Variants in COL25A1 observed in about 807,000 individuals in gnomAD.
COL25A1 encodes collagen type XXV alpha 1 chain.
Under a neutral mutation model 128.4 loss-of-function variants are expected in COL25A1, and 103 were observed. The observed-to-expected ratio is 0.80, with a 90% CI of 0.68 to 0.94. The LOEUF is 0.94. COL25A1 is among the 40% of genes least tolerant of loss of function. The pLI is 0.00. For missense variants in COL25A1, 745 were observed against 840.0 expected (o/e 0.89, Z 1.40); for synonymous variants, 279 against 277.2 (o/e 1.01, Z -0.06).
intron 3 of COL25A1, among the ~76,000 whole-genome samples, chr4:109,241,781 A>C (rs1560918330): frequency 6.6e-6 from 1 of 152,112 alleles, no homozygotes; most frequent in Non-Finnish European, 1.5e-5. Flanking sequence ...GGAAACATTT[A>C]GAATTTGTTG....
intron 32 of COL25A1, among the ~76,000 whole-genome samples, chr4:108,830,267 G>T (rs1030815351): frequency 6.6e-5 from 10 of 152,178 alleles, no homozygotes; most frequent in Non-Finnish European, 1.2e-4. Context: ...ATCAGCTAAG[G>T]TAGGGAGGAT....
chr4:108,926,547 T>C (rs1746086117), intron 11 of COL25A1, among the ~76,000 whole-genome samples: 1 of 152,204 alleles, frequency 6.6e-6, no homozygotes. Context: ...ATAACACGTA[T>C]ACTCTAACTT....
At chr4:109,034,017 G>A (rs918932698) in intron 5 of COL25A1, among the ~76,000 whole-genome samples, 1 of 152,022 alleles carries the variant, frequency 6.6e-6, no homozygotes, top group South Asian at 2.1e-4. Flanking sequence ...GGTTTAACTC[G>A]AGTAATTAAA....
At chr4:108,951,651 G>A (rs548980341) in intron 8 of COL25A1, among the ~76,000 whole-genome samples, 9 of 152,142 alleles carry the variant, frequency 5.9e-5, no homozygotes, top group East Asian at 1.9e-4. Flanking sequence ...CTCCTAAAGC[G>A]TTGGGATTAC....
chr4:109,281,046 A>G (rs1208091773), intron 3 of COL25A1, among the ~76,000 whole-genome samples: 2 of 152,242 alleles, frequency 1.3e-5, no homozygotes, highest in Non-Finnish European at 2.9e-5. Flanking sequence ...AAGGAAGCAC[A>G]TCTTAAAATG....
intron 3 of COL25A1, among the ~76,000 whole-genome samples, chr4:109,117,109 T>C (rs1579420601): frequency 1.3e-5 from 2 of 151,332 alleles, no homozygotes; most frequent in African/African-American, 2.4e-5. Flanking sequence ...CAATGATGAC[T>C]GAGAATTTTC....
chr4:108,985,466 T>C (rs1753578072), intron 6 of COL25A1, among the ~76,000 whole-genome samples: 1 of 152,184 alleles, frequency 6.6e-6, no homozygotes, highest in Non-Finnish European at 1.5e-5. Context: ...GAAGTTGAAT[T>C]GCAGGACAGA....
intron 5 of COL25A1, among the ~76,000 whole-genome samples, chr4:109,047,259 T>C (rs980568609): frequency 1.3e-5 from 2 of 152,062 alleles, no homozygotes; most frequent in Non-Finnish European, 2.9e-5. Context: ...AAGTGTGAAA[T>C]AGCTTGGAGA....
intron 5 of COL25A1, among the ~76,000 whole-genome samples, chr4:109,022,428 A>T (rs1452731259): frequency 6.6e-6 from 1 of 152,242 alleles, no homozygotes. Flanking sequence ...GGGCTGCTTG[A>T]TAACATGGAA....
At chr4:108,954,838 G>A (rs1182604478) in intron 8 of COL25A1, among the ~76,000 whole-genome samples, 4 of 151,856 alleles carry the variant, frequency 2.6e-5, no homozygotes, top group Non-Finnish European at 5.9e-5. Flanking sequence ...CAATGCTCTG[G>A]GTTTGAAACC....
At chr4:109,084,665 T>A (rs547460678) in intron 3 of COL25A1, among the ~76,000 whole-genome samples, 2 of 152,310 alleles carry the variant, frequency 1.3e-5, no homozygotes, top group East Asian at 3.9e-4. Flanking sequence ...CACATCAGGT[T>A]TTTATGCCCT....
At chr4:109,084,836 T>C (rs1764213182) in intron 3 of COL25A1, among the ~76,000 whole-genome samples, 1 of 152,232 alleles carries the variant, frequency 6.6e-6, no homozygotes, top group Admixed American at 6.5e-5. Context: ...TTTTCTGCAA[T>C]ATACTGTCTA....
intron 6 of COL25A1, among the ~76,000 whole-genome samples, chr4:108,985,104 T>C (rs1173814422): frequency 6.6e-6 from 1 of 152,212 alleles, no homozygotes; most frequent in African/African-American, 2.4e-5. Flanking sequence ...TGGATCTCCC[T>C]CCTTTTCAGT....
intron 11 of COL25A1, among the ~76,000 whole-genome samples, chr4:108,936,169 G>A (rs1747378095): frequency 6.6e-6 from 1 of 151,994 alleles, no homozygotes; most frequent in Admixed American, 6.6e-5. Context: ...TGCTGCACTT[G>A]TATGCATTTA....
chr4:108,914,673 T>TTTG (rs1744654052), intron 13 of COL25A1, among the ~76,000 whole-genome samples: 1 of 138,696 alleles, frequency 7.2e-6, no homozygotes, highest in East Asian at 2.0e-4. Flanking sequence ...TTTTTTTTTT[T>TTTG]TGAGACAGGG....
intron 6 of COL25A1, among the ~76,000 whole-genome samples, chr4:109,006,377 A>C (rs1324032760): frequency 1.9e-5 from 1 of 53,548 alleles, no homozygotes; most frequent in Non-Finnish European, 3.5e-5. Context: ...ACACCCAGCT[A>C]ATTTTTTTTT....
At chr4:109,003,823 A>C (rs1755705362) in intron 6 of COL25A1, among the ~76,000 whole-genome samples, 1 of 134,490 alleles carries the variant, frequency 7.4e-6, no homozygotes, top group African/African-American at 2.7e-5. Flanking sequence ...AAAACAAAAA[A>C]ACGAAATATA....
In COL25A1 at chr4:108,935,005, T is replaced by C. The variant is rs567653481; in HGVS notation, c.708+2803A>G. 1.3e-3 allele frequency among the ~76,000 whole-genome samples: 196 copies of C among 152,298 alleles called. No homozygotes were observed. In the Middle Eastern group the frequency reaches 0.014, roughly 11 times the overall value. Reference sequence around the variant, plus strand: ...AAGGCAGTCAGAGAGGGTATTATTATCCCTCCTTCACAGATGAGAAATTGA... The same window carrying C: ...AAGGCAGTCAGAGAGGGTATTATTACCCCTCCTTCACAGATGAGAAATTGA... On this transcript the variant is annotated intron_variant, in intron 11 of 37. Transcript: ENST00000399132.
At chr4:108,850,168 C>G (rs756581121) in intron 26 of COL25A1, among the ~76,000 whole-genome samples, 2 of 152,136 alleles carry the variant, frequency 1.3e-5, no homozygotes, top group Non-Finnish European at 2.9e-5. Context: ...AAACATAATT[C>G]ATGAGTTATT....
Sources: gnomAD v4.1 joint callset for allele counts (sites outside exome capture counted in the v4.1 genomes callset) on GRCh38, gnomAD v4.1.1 for gene constraint, MANE v1.5 for transcripts, NCBI Gene and HGNC (gene_info 2026-07-23, HGNC 2026-07-21) for gene names.